The following GALNT14 variants were observed in gnomAD, a reference collection of about 807,000 sequenced individuals.
GALNT14 encodes polypeptide N-acetylgalactosaminyltransferase 14, also known as UDP-GalNAc:polypeptide N-acetylgalactosaminyltransferase 14.
In GALNT14, 60 loss-of-function variants were observed where a neutral mutation model predicts 77.5. The observed-to-expected ratio is 0.77, with a 90% CI of 0.63 to 0.96. GALNT14 has a LOEUF of 0.96. Among genes scored for constraint, GALNT14 ranks in the 40% least tolerant of loss-of-function variants. The pLI is 0.00. For missense variants in GALNT14, 710 were observed against 731.0 expected (o/e 0.97, Z 0.33); for synonymous variants, 280 against 281.7 (o/e 0.99, Z 0.06).
chr2:31,034,987 C>T (rs930600590), intron 1 of GALNT14, among the ~76,000 whole-genome samples: 8 of 152,154 alleles, frequency 5.3e-5, no homozygotes, highest in African/African-American at 1.2e-4. Flanking sequence ...TCCTTTTAAA[C>T]GTATTCAGGT....
chr2:30,967,086 G>A (rs952522184), intron 2 of GALNT14, among the ~76,000 whole-genome samples: 3 of 152,236 alleles, frequency 2.0e-5, no homozygotes, highest in Non-Finnish European at 2.9e-5. Context: ...CAATTATTGC[G>A]GGGAGCTGGG....
rs920805698 is a variant in GALNT14 at position 31,119,927 on chromosome 2, C to T, written c.129+18031G>A. ...ATCCCAGCACTTTGGGAGGCCGAGG[C>T]GGGCGGATCACGAGGTCAGGAGATC... On this transcript the variant is annotated intron_variant, in intron 1 of 14. Transcript: ENST00000349752. Among the ~76,000 whole-genome samples, 27 of 75,128 alleles carry T rather than the reference C, an allele frequency of 3.6e-4. 4 individuals carry two copies. The highest frequency in any genetic ancestry group is 7.8e-4 in the African/African-American group (24 of 30,638). The allele number at this position is 75,128 out of a possible 152,430, so 49.3% of individuals were successfully genotyped here.
chr2:31,070,043 A>T (rs1675253167), intron 1 of GALNT14, among the ~76,000 whole-genome samples: 1 of 152,138 alleles, frequency 6.6e-6, no homozygotes, highest in Non-Finnish European at 1.5e-5. Flanking sequence ...CCACCCTCCG[A>T]GTCCCATGGA....
chr2:30,927,132 G>C (rs1443236096), intron 11 of GALNT14, among the ~76,000 whole-genome samples: 1 of 152,166 alleles, frequency 6.6e-6, no homozygotes, highest in Admixed American at 6.5e-5. Context: ...TAAGGAGTGT[G>C]GTTCCCAAAC....
At chr2:31,047,440 A>C (rs909643840) in intron 1 of GALNT14, among the ~76,000 whole-genome samples, 8 of 152,194 alleles carry the variant, frequency 5.3e-5, no homozygotes, top group Non-Finnish European at 1.2e-4. Flanking sequence ...ACCAAAAGAC[A>C]GGGCATCCCA....
At position 30,911,014 on chromosome 2, in the gene GALNT14, G is replaced by A; in HGVS notation, c.1546C>T (p.Leu516Phe). ...CCGAACATATCTGTATCGAGGCAGA[G>A]GTGGGATGCTATGTGCTCGATGTGG... ...GSHIEHIASH[L>F]CLDTDMFGDG... The change falls in exon 15 of 15, where the codon CTC becomes TTC. Residue 516 changes from leucine (L) to phenylalanine (F), a missense_variant. Transcript: ENST00000349752. 6.2e-7 allele frequency: 1 copy of A among 1,614,048 alleles called. No individual in the cohort carries two copies. The highest frequency in any genetic ancestry group is 8.5e-7 in the Non-Finnish European group (1 of 1,180,020).
At chr2:31,044,034 T>C (rs995568636) in intron 1 of GALNT14, among the ~76,000 whole-genome samples, 4 of 152,228 alleles carry the variant, frequency 2.6e-5, no homozygotes, top group African/African-American at 7.2e-5. Context: ...TCATGTACTG[T>C]ACTCTGTCAA....
At chr2:30,916,125 T>C (rs745652118) in intron 13 of GALNT14, among the ~76,000 whole-genome samples, 7 of 152,194 alleles carry the variant, frequency 4.6e-5, no homozygotes, top group Non-Finnish European at 1.0e-4. Context: ...TAAGTAAATT[T>C]ACTGAGGCTC....
intron 1 of GALNT14, among the ~76,000 whole-genome samples, chr2:31,080,166 G>C (rs1166723588): frequency 3.3e-5 from 5 of 152,214 alleles, no homozygotes; most frequent in African/African-American, 1.2e-4. Flanking sequence ...TAACTCAAGT[G>C]GGTCTGGCCA....
At chr2:30,902,263 G>C in the GALNT14 span, among the ~76,000 whole-genome samples, 1 of 152,150 alleles carries the variant, frequency 6.6e-6, no homozygotes, top group Admixed American at 6.5e-5. Flanking sequence ...AACTCCTCTT[G>C]CTTTGGCTGC....
At chr2:30,955,129 C>T (rs1358372953) in intron 6 of GALNT14, among the ~76,000 whole-genome samples, 1 of 152,116 alleles carries the variant, frequency 6.6e-6, no homozygotes, top group Admixed American at 6.5e-5. Context: ...CAAAGAGGGG[C>T]AAGGAATTCA....
chr2:31,012,944 G>T (rs114896080), intron 1 of GALNT14, among the ~76,000 whole-genome samples: 171 of 152,272 alleles, frequency 1.1e-3, no homozygotes, highest in African/African-American at 4.0e-3. Context: ...ATAAAGCAAT[G>T]GAATAAAGAA....
At chr2:31,034,948 G>A (rs1672624488) in intron 1 of GALNT14, among the ~76,000 whole-genome samples, 1 of 152,088 alleles carries the variant, frequency 6.6e-6, no homozygotes, top group African/African-American at 2.4e-5. Flanking sequence ...CTCCATTGTG[G>A]TTGGAAAATC....
At chr2:30,909,419 CA>C (rs1664243502), downstream of GALNT14, among the ~76,000 whole-genome samples, 2 of 152,200 alleles carry the variant, frequency 1.3e-5, no homozygotes, top group Non-Finnish European at 2.9e-5. Flanking sequence ...AGACACTTCT[CA>C]AAAGAAGACA....
chr2:30,921,344 C>G (rs1665018824), intron 13 of GALNT14, among the ~76,000 whole-genome samples: 2 of 152,234 alleles, frequency 1.3e-5, no homozygotes, highest in Admixed American at 1.3e-4. Flanking sequence ...TGCCCACACA[C>G]AGATTCAGAA....
At chr2:31,026,351 C>G (rs2148470270) in intron 1 of GALNT14, among the ~76,000 whole-genome samples, 1 of 152,318 alleles carries the variant, frequency 6.6e-6, no homozygotes, top group Non-Finnish European at 1.5e-5. Context: ...CACGAGGATG[C>G]TCTGGCTGGA....
chr2:31,107,707 T>A (rs1677626817), intron 1 of GALNT14, among the ~76,000 whole-genome samples: 1 of 152,234 alleles, frequency 6.6e-6, no homozygotes, highest in African/African-American at 2.4e-5. Context: ...AAAAAAATGC[T>A]GTCCTTCTCA....
At chr2:30,966,535 A>G (rs2303321) in intron 2 of GALNT14, among the ~76,000 whole-genome samples, 23,710 of 152,104 alleles carry the variant, frequency 0.16, 1,959 homozygotes, top group East Asian at 0.32. Flanking sequence ...GGGGGAACCT[A>G]GGCTTGGAGA....
intron 13 of GALNT14, among the ~76,000 whole-genome samples, chr2:30,918,513 A>C (rs1046891516): frequency 1.1e-4 from 17 of 152,204 alleles, no homozygotes; most frequent in African/African-American, 3.4e-4. Context: ...ACAAGAAGAG[A>C]GAGGACCTTA....
Sources: allele counts gnomAD v4.1 joint callset (sites outside exome capture counted in the v4.1 genomes callset), GRCh38; gene constraint gnomAD v4.1.1; transcripts MANE v1.5; gene names NCBI Gene and HGNC (gene_info 2026-07-23, HGNC 2026-07-21).